GRM5: variants seen among roughly 807,000 people sequenced by gnomAD.
GRM5 encodes the protein glutamate metabotropic receptor 5.
A neutral mutation model predicts 83.1 loss-of-function variants in GRM5; 19 were observed. The ratio of observed to expected loss-of-function variants is 0.23; its 90% CI spans 0.16 to 0.34. The LOEUF (loss-of-function observed/expected upper bound fraction) is 0.34, where lower values mean the gene tolerates loss of function less well. Ranked by LOEUF, GRM5 falls within the 10% of genes least tolerant of loss-of-function variation. The pLI is 1.00. For synonymous variants in GRM5, 675 were observed against 633.6 expected, an observed-to-expected ratio of 1.07 and a Z score of -0.98; for missense variants, 1,160 against 1,588.3, an observed-to-expected ratio of 0.73 and a Z score of 4.58.
At position 88,950,456 on chromosome 11, in the gene GRM5, T is replaced by C. The variant is rs1299963029; in HGVS notation, c.661+96756A>G. Reference sequence around the variant, plus strand: ...ATGGTATTCTCTGGGAAAATTTTAGTTTTTGTTTTCACTCAGAAATACCTT... The same window carrying C: ...ATGGTATTCTCTGGGAAAATTTTAGCTTTTGTTTTCACTCAGAAATACCTT... On this transcript the variant is annotated intron_variant, in intron 2 of 9. Transcript: ENST00000305447. 3.3e-5 allele frequency among the ~76,000 whole-genome samples: 5 copies of C among 151,906 alleles called. No homozygotes were observed. In the East Asian group the frequency reaches 9.6e-4, roughly 29 times the overall value.
intron 3 of GRM5, among the ~76,000 whole-genome samples, chr11:88,752,078 A>G (rs1942286232): frequency 6.6e-6 from 1 of 152,196 alleles, no homozygotes; most frequent in South Asian, 2.1e-4. Context: ...CTCCTATTAA[A>G]CATAGTATTG....
chr11:88,914,315 T>G (rs961940728), intron 2 of GRM5, among the ~76,000 whole-genome samples: 22 of 152,276 alleles, frequency 1.4e-4, no homozygotes, highest in South Asian at 6.2e-4. Flanking sequence ...TTCCTACACA[T>G]CAAGCATTCT....
intron 2 of GRM5, among the ~76,000 whole-genome samples, chr11:88,918,730 C>A (rs997958410): frequency 1.4e-5 from 2 of 147,284 alleles, no homozygotes; most frequent in African/African-American, 5.0e-5. Context: ...ATAGAAACAA[C>A]AAAAAGTTAA....
At chr11:88,814,905 A>T (rs1295030605) in intron 3 of GRM5, among the ~76,000 whole-genome samples, 1 of 152,202 alleles carries the variant, frequency 6.6e-6, no homozygotes, top group Non-Finnish European at 1.5e-5. Flanking sequence ...TCATGTAAGC[A>T]CCTAATAATA....
intron 2 of GRM5, among the ~76,000 whole-genome samples, chr11:89,028,465 G>GT (rs1171977171): frequency 1.3e-5 from 2 of 152,118 alleles, no homozygotes; most frequent in Non-Finnish European, 2.9e-5. Flanking sequence ...GTGTGCACCT[G>GT]TAGTTCTAGA....
chr11:88,912,955 T>G (rs1945524372), intron 2 of GRM5, among the ~76,000 whole-genome samples: 1 of 152,212 alleles, frequency 6.6e-6, no homozygotes, highest in Admixed American at 6.5e-5. Context: ...CAAATTTGAG[T>G]AGCAATATGC....
At chr11:88,864,877 G>T (rs1033920495) in intron 2 of GRM5, among the ~76,000 whole-genome samples, 7 of 151,938 alleles carry the variant, frequency 4.6e-5, no homozygotes, top group African/African-American at 1.2e-4. Flanking sequence ...TAGCGTAAAG[G>T]GGTGTTGAAT....
intron 2 of GRM5, among the ~76,000 whole-genome samples, chr11:88,980,095 T>C (rs754941891): frequency 2.0e-5 from 3 of 152,122 alleles, no homozygotes; most frequent in Admixed American, 6.5e-5. Context: ...TGTGCGGAGG[T>C]TGGATTTTGC....
intron 3 of GRM5, among the ~76,000 whole-genome samples, chr11:88,827,947 G>A (rs1830603827): frequency 6.6e-6 from 1 of 152,142 alleles, no homozygotes; most frequent in Non-Finnish European, 1.5e-5. Context: ...CAATGGTAGG[G>A]TATGTTTCAT....
intron 2 of GRM5, among the ~76,000 whole-genome samples, chr11:88,855,579 T>C (rs919398447): frequency 2.0e-5 from 3 of 151,936 alleles, no homozygotes; most frequent in African/African-American, 7.2e-5. Flanking sequence ...CATGATTTAT[T>C]TGATGCTGAA....
intron 3 of GRM5, among the ~76,000 whole-genome samples, chr11:88,692,312 T>C (rs1301885790): frequency 6.6e-6 from 1 of 152,204 alleles, no homozygotes; most frequent in Admixed American, 6.5e-5. Context: ...GCAATTCCTA[T>C]TGGATTTTAT....
chr11:88,749,213 G>A (rs895914184), intron 3 of GRM5, among the ~76,000 whole-genome samples: 5 of 152,086 alleles, frequency 3.3e-5, no homozygotes, highest in Non-Finnish European at 7.4e-5. Context: ...CAATAAAGGA[G>A]CTGATAGCCA....
chr11:89,040,839 A>C (rs1340916186), intron 2 of GRM5, among the ~76,000 whole-genome samples: 1 of 152,210 alleles, frequency 6.6e-6, no homozygotes, highest in Non-Finnish European at 1.5e-5. Flanking sequence ...AAGAAAAAAA[A>C]TTCTCAAGAT....
chr11:88,961,022 C>T (rs1427330244), intron 2 of GRM5, among the ~76,000 whole-genome samples: 2 of 152,162 alleles, frequency 1.3e-5, no homozygotes. Flanking sequence ...GTCTGGATTT[C>T]AATCCAATGG....
intron 3 of GRM5, among the ~76,000 whole-genome samples, chr11:88,835,227 A>C (rs1293405418): frequency 6.6e-6 from 1 of 152,196 alleles, no homozygotes; most frequent in African/African-American, 2.4e-5. Flanking sequence ...AACCTGATAC[A>C]TAAACCTGAG....
At chr11:88,940,091 A>T (rs1264021218) in intron 2 of GRM5, among the ~76,000 whole-genome samples, 2 of 151,970 alleles carry the variant, frequency 1.3e-5, no homozygotes, top group Non-Finnish European at 2.9e-5. Context: ...CTAGTTTTAA[A>T]CGTCAGGGTT....
intron 3 of GRM5, among the ~76,000 whole-genome samples, chr11:88,706,501 C>T (rs1212503811): frequency 1.3e-5 from 2 of 152,138 alleles, no homozygotes; most frequent in African/African-American, 4.8e-5. Context: ...AGAGTGAAGT[C>T]CCCAATATGA....
intron 7 of GRM5, among the ~76,000 whole-genome samples, chr11:88,575,883 T>C (rs1943099803): frequency 6.6e-6 from 1 of 152,188 alleles, no homozygotes; most frequent in Non-Finnish European, 1.5e-5. Flanking sequence ...TTCACAGAGC[T>C]GAAAATTCAC....
At chr11:88,573,135 A>G (rs921273297) in intron 7 of GRM5, among the ~76,000 whole-genome samples, 6 of 152,136 alleles carry the variant, frequency 3.9e-5, no homozygotes, top group African/African-American at 1.4e-4. Context: ...GTTCTCTTGT[A>G]TAATCCATCT....
Sources: gnomAD v4.1 joint callset for allele counts (sites outside exome capture counted in the v4.1 genomes callset) on GRCh38, gnomAD v4.1.1 for gene constraint, MANE v1.5 for transcripts, NCBI Gene and HGNC (gene_info 2026-07-23, HGNC 2026-07-21) for gene names.